The following TRPM1 variants were observed in gnomAD, a reference collection of about 807,000 sequenced individuals.
TRPM1 encodes transient receptor potential cation channel subfamily M member 1.
In TRPM1, 113 loss-of-function variants were observed where a neutral mutation model predicts 149.4. That is an observed-to-expected ratio of 0.76 (90% CI 0.65 to 0.88). The LOEUF (loss-of-function observed/expected upper bound fraction) is 0.88, where lower values mean the gene tolerates loss of function less well. Ranked by LOEUF, TRPM1 falls within the 40% of genes least tolerant of loss-of-function variation. TRPM1 has a pLI of 0.00. For synonymous variants in TRPM1, 741 were observed against 759.5 expected (o/e 0.98, Z 0.40); for missense variants, 1,976 against 2,038.7 (o/e 0.97, Z 0.59).
intron 1 of TRPM1, among the ~76,000 whole-genome samples, chr15:31,134,159 A>G (rs2036057550): frequency 6.6e-6 from 1 of 152,216 alleles, no homozygotes. Flanking sequence ...AGCCAAGTTC[A>G]GCAGGTCACC....
intron 1 of TRPM1, among the ~76,000 whole-genome samples, chr15:31,097,771 C>CTG (rs2141011083): frequency 6.6e-6 from 1 of 152,240 alleles, no homozygotes; most frequent in East Asian, 1.9e-4. Flanking sequence ...AGAGCTGTCC[C>CTG]GCATGGTAGA....
chr15:31,049,501 A>G lies in TRPM1; in HGVS notation c.1446T>C (p.Ala482=). Residue 482 remains alanine, a synonymous_variant, in exon 13 of 28, where the codon GCT becomes GCC. Coordinates refer to ENST00000256552, the MANE Select transcript of TRPM1 (RefSeq NM_001252024.2). The stretch of plus-strand genomic sequence containing the variant: ...AAGCATCTAGCATCGCTTGCTCCAA[A>G]GCATTCACCTGCAGGGACCAAGGGC... The part of the protein sequence containing the change: ...RKIELLNWVN[A]LEQAMLDALV... 6.2e-7 allele frequency: 1 copy of G among 1,613,950 alleles called. No individual in the cohort carries two copies.
chr15:31,141,163 C>A (rs572646409), intron 1 of TRPM1, among the ~76,000 whole-genome samples: 11 of 151,750 alleles, frequency 7.2e-5, no homozygotes, highest in Admixed American at 3.3e-4. Context: ...TATGGTGAAG[C>A]TAAATATGTT....
At chr15:31,066,617 T>TA (rs1316280650) in intron 6 of TRPM1, among the ~76,000 whole-genome samples, 1 of 151,944 alleles carries the variant, frequency 6.6e-6, no homozygotes, top group Non-Finnish European at 1.5e-5. Context: ...CAGCCAGCAG[T>TA]AAAAAGGAAT....
chr15:31,077,112 G>T (rs1381119851), intron 2 of TRPM1, 128 bp from the exon 3 acceptor site: 1 of 696,502 alleles, frequency 1.4e-6, no homozygotes, highest in Non-Finnish European at 2.6e-6. Context: ...AATAATGGTG[G>T]ATGCAAGTCT....
chr15:31,099,850 A>G (rs1388474777), intron 1 of TRPM1, among the ~76,000 whole-genome samples: 1 of 152,198 alleles, frequency 6.6e-6, no homozygotes, highest in Non-Finnish European at 1.5e-5. Context: ...AGTTCAAAAC[A>G]ATGGTGTTTT....
Position 31,062,653 on chromosome 15 carries a change from T to C in TRPM1, c.1015A>G (p.Thr339Ala). 1 of 1,614,132 alleles carries C rather than the reference T, an allele frequency of 6.2e-7. No individual in the cohort carries two copies. Among genetic ancestry groups the C allele is most frequent in the Non-Finnish European group, 8.5e-7 (1 of 1,179,968 alleles). ...GATTGTGCCTTATTATAATTAAATGTTTTCTGAATGGTAACTAGAAGCTGC... is the reference window on the plus strand; with the variant it reads ...GATTGTGCCTTATTATAATTAAATGCTTTCTGAATGGTAACTAGAAGCTGC... Reference protein sequence around the residue: ...REQLLVTIQKTFNYNKAQSHQ... With the variant: ...REQLLVTIQKAFNYNKAQSHQ... Residue 339 changes from threonine (T) to alanine (A), a missense_variant, in exon 9 of 28, where the codon ACA becomes GCA. Around this residue, in one of 3 missense-constraint regions of TRPM1, gnomAD observed 1,332 missense variants for 1,347.1 expected, o/e 0.99. Coordinates refer to ENST00000256552, the MANE Select transcript of TRPM1 (RefSeq NM_001252024.2).
intron 1 of TRPM1, among the ~76,000 whole-genome samples, chr15:31,156,278 C>T (rs1325965368): frequency 1.3e-5 from 2 of 151,352 alleles, no homozygotes; most frequent in East Asian, 1.9e-4. Flanking sequence ...TGAAATGGCC[C>T]GCCATCTTTT....
Position 31,002,641 on chromosome 15 carries a change from G to C in TRPM1, c.4059C>G (p.Ser1353Arg). The C allele has an allele frequency of 6.2e-7, 1 of 1,614,194 alleles. No individual in the cohort carries two copies. Among genetic ancestry groups the C allele is most frequent in the Non-Finnish European group, 8.5e-7 (1 of 1,180,024 alleles). ...GACTGCCATCTGGGGTTGCTGATGT[G>C]CTTGTGCCCAGTGAAAGGTGAAGAC... ...QNSLHLSLGT[S>R]TSATPDGSHL... Residue 1353 changes from serine to arginine, a missense_variant, in exon 28 of 28, where the codon AGC (serine) becomes AGG (arginine). Physicochemically the swap from Ser to Arg is moderately radical, Grantham distance 110. This residue lies in a region of TRPM1 where 572 missense variants were observed against 578.9 expected (regional missense o/e 0.99). Coordinates refer to ENST00000256552, the MANE Select transcript of TRPM1 (RefSeq NM_001252024.2).
intron 1 of TRPM1, among the ~76,000 whole-genome samples, chr15:31,115,117 G>A (rs896321997): frequency 3.6e-4 from 54 of 152,102 alleles, no homozygotes; most frequent in African/African-American, 1.3e-3. Context: ...CATTAGTCGA[G>A]CATGGTGGCG....
At chr15:31,068,915 C>T (rs2034456160) in intron 4 of TRPM1, among the ~76,000 whole-genome samples, 1 of 152,090 alleles carries the variant, frequency 6.6e-6, no homozygotes, top group Admixed American at 6.5e-5. Context: ...GAAATGTGAG[C>T]AATAAATTTC....
chr15:31,129,744 G>T (rs921734440), intron 1 of TRPM1, among the ~76,000 whole-genome samples: 1 of 152,192 alleles, frequency 6.6e-6, no homozygotes, highest in Non-Finnish European at 1.5e-5. Flanking sequence ...TGGTCACTTT[G>T]GGGGCATCTG....
rs778782875 is a variant in TRPM1 at position 31,002,236 on chromosome 15, C to G, written c.4464G>C (p.Leu1488Phe). ...GAACTTGGCATTGCCATTCCGTCGT[C>G]AATTGCTGGTCCGTGATTGAACTGT... is the stretch of plus-strand genomic sequence containing the variant. ...VEYSSITDQQ[L>F]TTEWQCQVQK... Residue 1488 changes from leucine to phenylalanine, a missense_variant, in exon 28 of 28, where the codon TTG becomes TTC. Physicochemically the swap from Leu to Phe is conservative, Grantham distance 22 (BLOSUM62 0). This residue lies in a region of TRPM1 where 572 missense variants were observed against 578.9 expected (regional missense o/e 0.99). Transcript: ENST00000256552. The G allele has an allele frequency of 1.2e-6, 2 of 1,614,104 alleles. No homozygotes were observed. Among genetic ancestry groups the G allele is most frequent in the African/African-American group, 2.7e-5 (2 of 74,926 alleles).
intron 11 of TRPM1, among the ~76,000 whole-genome samples, chr15:31,057,664 G>A (rs949354798): frequency 5.9e-5 from 9 of 152,042 alleles, no homozygotes; most frequent in African/African-American, 9.7e-5. Context: ...CTCCCCACAG[G>A]GTAGCCTTTG....
chr15:31,112,422 G>A (rs1297583164), intron 1 of TRPM1, among the ~76,000 whole-genome samples: 1 of 152,172 alleles, frequency 6.6e-6, no homozygotes, highest in Non-Finnish European at 1.5e-5. Flanking sequence ...AGGTTGTGGT[G>A]AGCCGAGATC....
chr15:31,145,690 GT>G (rs2036216227), intron 1 of TRPM1, among the ~76,000 whole-genome samples: 1 of 152,064 alleles, frequency 6.6e-6, no homozygotes, highest in African/African-American at 2.4e-5. Context: ...GACATTTCTC[GT>G]TGTACATAGA....
At chr15:31,094,349 A>G (rs889488491) in intron 1 of TRPM1, among the ~76,000 whole-genome samples, 2 of 152,256 alleles carry the variant, frequency 1.3e-5, no homozygotes, top group African/African-American at 4.8e-5. Flanking sequence ...AAGAAAAAGC[A>G]GGTAAGTTGA....
At chr15:31,158,216 A>G (rs1388203780) in intron 1 of TRPM1, among the ~76,000 whole-genome samples, 1 of 152,196 alleles carries the variant, frequency 6.6e-6, no homozygotes, top group African/African-American at 2.4e-5. Flanking sequence ...GGAGTTTGGC[A>G]TGCACCACTG....
intron 24 of TRPM1, among the ~76,000 whole-genome samples, chr15:31,028,839 AACATTTTCCCATTTCTTTATT>A (rs1394048537): frequency 6.6e-6 from 1 of 152,174 alleles, no homozygotes; most frequent in Non-Finnish European, 1.5e-5. Context: ...CATATTTCTA[AACATTTTCCCATTTCTTTATT>A]GTGGCTTTCA....
Sources: gnomAD v4.1 joint callset for allele counts (sites outside exome capture counted in the v4.1 genomes callset) on GRCh38, gnomAD v4.1.1 for gene constraint, gnomAD v4.1.1 regional missense constraint, MANE v1.5 for transcripts, NCBI Gene and HGNC (gene_info 2026-07-23, HGNC 2026-07-21) for gene names.